Variants in VSTM4 observed in about 807,000 individuals in gnomAD.
The protein encoded by VSTM4 is V-set and transmembrane domain containing 4.
Under a neutral mutation model 36.4 loss-of-function variants are expected in VSTM4, and 20 were observed. That is an observed-to-expected ratio of 0.55 (90% CI 0.39 to 0.80). VSTM4 has a LOEUF of 0.80. Ranked by LOEUF, VSTM4 falls within the 30% of genes least tolerant of loss-of-function variation. VSTM4 has a pLI of 0.00. For missense variants in VSTM4, 392 were observed against 404.5 expected (o/e 0.97, Z 0.26); for synonymous variants, 182 against 173.9 (o/e 1.05, Z -0.37).
In VSTM4 at chr10:49,019,702, G is replaced by T. The variant is rs747123558; in HGVS notation, c.911C>A (p.Ala304Asp). The T allele has an allele frequency of 5.0e-6, 8 of 1,613,912 alleles. No homozygotes were observed. The highest frequency in any genetic ancestry group is 6.8e-6 in the Non-Finnish European group (8 of 1,179,990). The change falls in exon 8 of 8, where the codon GCC becomes GAC. Residue 304 changes from alanine to aspartate, a missense_variant. By Grantham distance (126) the Ala-to-Asp change is moderately radical. Coordinates refer to ENST00000332853, the MANE Select transcript of VSTM4 (RefSeq NM_001031746.5). Reference protein sequence around the residue: ...LIKPHRAAKGAPTSTVYAQIL... With the variant: ...LIKPHRAAKGDPTSTVYAQIL... ...CTGGGCGTAGACAGTGCTGGTGGGGGCGCCTTTGGCAGCCCGGTGGGGTTT... is the reference window on the plus strand; with the variant it reads ...CTGGGCGTAGACAGTGCTGGTGGGGTCGCCTTTGGCAGCCCGGTGGGGTTT...
intron 2 of VSTM4, among the ~76,000 whole-genome samples, chr10:49,106,324 G>A (rs543333625): frequency 6.6e-6 from 1 of 152,274 alleles, no homozygotes; most frequent in South Asian, 2.1e-4. Flanking sequence ...TGTACTTTGT[G>A]ATCCTCTTGA....
Position 49,019,480 on chromosome 10 carries a change from G to T in VSTM4, c.*170C>A. On this transcript the variant is annotated 3_prime_UTR_variant, in exon 8 of 8. Transcript: ENST00000332853. ...CAAGAGCTGTGGCCCCGATTCTTTT[G>T]GGGAGAGCAGGCTTGTACCTCTTCA... The T allele has an allele frequency of 1.2e-6, 1 of 844,586 alleles. No individual in the cohort carries two copies. Among genetic ancestry groups the T allele is most frequent in the Non-Finnish European group, 1.6e-6 (1 of 613,506 alleles). The allele number at this position is 844,586 out of a possible 1,614,324, so 52.3% of individuals were successfully genotyped here.
At chr10:49,093,181 G>C (rs185040320) in intron 2 of VSTM4, among the ~76,000 whole-genome samples, 1 of 152,212 alleles carries the variant, frequency 6.6e-6, no homozygotes, top group Admixed American at 6.5e-5. Flanking sequence ...GCCTATAGTC[G>C]GCAAAATAAG....
At chr10:49,110,410 C>G (rs1358684466) in intron 1 of VSTM4, among the ~76,000 whole-genome samples, 2 of 152,134 alleles carry the variant, frequency 1.3e-5, no homozygotes, top group African/African-American at 4.8e-5. Context: ...ATTCTCTAGC[C>G]TTCCAGGATG....
At chr10:49,062,587 G>C (rs930138542) in intron 5 of VSTM4, among the ~76,000 whole-genome samples, 2 of 152,136 alleles carry the variant, frequency 1.3e-5, no homozygotes, top group African/African-American at 4.8e-5. Flanking sequence ...GGATTTTATT[G>C]AGATTATTAT....
chr10:49,036,391 G>C (rs916318228), intron 7 of VSTM4, among the ~76,000 whole-genome samples: 3 of 152,112 alleles, frequency 2.0e-5, no homozygotes, highest in African/African-American at 7.2e-5. Flanking sequence ...GCAATATATT[G>C]TACATGTGGT....
At chr10:49,094,597 G>A (rs1288407130) in intron 2 of VSTM4, among the ~76,000 whole-genome samples, 1 of 152,196 alleles carries the variant, frequency 6.6e-6, no homozygotes, top group Non-Finnish European at 1.5e-5. Context: ...TGTGAAGTAT[G>A]CAGAAGAAAA....
At chr10:49,065,121 A>G (rs1350921919) in intron 4 of VSTM4, among the ~76,000 whole-genome samples, 1 of 152,204 alleles carries the variant, frequency 6.6e-6, no homozygotes, top group African/African-American at 2.4e-5. Flanking sequence ...GAAGCTCCTC[A>G]TTGAAAAATG....
chr10:49,026,998 C>T (rs1843272295), intron 7 of VSTM4, among the ~76,000 whole-genome samples: 2 of 152,134 alleles, frequency 1.3e-5, no homozygotes, highest in South Asian at 2.1e-4. Context: ...TGATCCCCTC[C>T]GCATGAAACT....
At chr10:49,044,520 AAG>A (rs561112104) in intron 7 of VSTM4, among the ~76,000 whole-genome samples, 85 of 143,896 alleles carry the variant, frequency 5.9e-4, no homozygotes, top group African/African-American at 2.1e-3. Context: ...GAGAAAAAGA[AAG>A]AAAGAAAAAG....
chr10:49,022,499 G>T, intron 7 of VSTM4, among the ~76,000 whole-genome samples: 1 of 152,136 alleles, frequency 6.6e-6, no homozygotes, highest in East Asian at 1.9e-4. Context: ...CAGCACCTCT[G>T]CTGGGGGTGA....
rs748673561 is a variant in VSTM4, at chr10:49,018,123, T to C, written c.*1527A>G. On this transcript the variant is annotated 3_prime_UTR_variant, in exon 8 of 8. Coordinates refer to ENST00000332853, the MANE Select transcript of VSTM4 (RefSeq NM_001031746.5). ...CTTTCCAATAAACCATAAACTCTCA[T>C]GAGTCTTTGGGAACATTACTGTAGG... The C allele has an allele frequency of 6.6e-6, 1 of 152,236 alleles. No individual in the cohort carries two copies. The highest frequency in any genetic ancestry group is 1.5e-5 in the Non-Finnish European group (1 of 68,042). 9.4% of individuals were successfully genotyped at this position (152,236 alleles called of 1,614,324 possible).
intron 5 of VSTM4, among the ~76,000 whole-genome samples, chr10:49,055,440 C>T (rs968423925): frequency 6.6e-6 from 1 of 152,208 alleles, no homozygotes; most frequent in Non-Finnish European, 1.5e-5. Flanking sequence ...ATGCCCAGAA[C>T]ATTATGTGCA....
At chr10:49,063,189 A>G (rs1843912568) in intron 5 of VSTM4, among the ~76,000 whole-genome samples, 1 of 152,086 alleles carries the variant, frequency 6.6e-6, no homozygotes, top group Non-Finnish European at 1.5e-5. Context: ...ACATGCAAAA[A>G]TATAGCTGGG....
rs930040137 is a variant in VSTM4, at chr10:49,015,843, T to A, written c.*3807A>T. The A allele has an allele frequency of 1.3e-5, 2 of 152,278 alleles. No homozygotes were observed. The highest frequency in any genetic ancestry group is 4.8e-5 in the African/African-American group (2 of 41,460). 9.4% of individuals were successfully genotyped at this position (152,278 alleles called of 1,614,324 possible). On this transcript the variant is annotated 3_prime_UTR_variant, in exon 8 of 8. Transcript: ENST00000332853. ...ATGCAAGTGGCATGGCTCTTTTTTG[T>A]TACCACGCTGTTCCCTTCCACTTAT...
intron 7 of VSTM4, among the ~76,000 whole-genome samples, chr10:49,043,805 A>G (rs986902568): frequency 3.3e-5 from 5 of 152,218 alleles, no homozygotes; most frequent in Non-Finnish European, 7.3e-5. Context: ...CAAAAAAGAA[A>G]CTGCACAAGT....
At chr10:49,057,583 C>T (rs1002341624) in intron 5 of VSTM4, among the ~76,000 whole-genome samples, 8 of 152,204 alleles carry the variant, frequency 5.3e-5, no homozygotes, top group African/African-American at 1.9e-4. Flanking sequence ...CCAGGAACCA[C>T]CCCCATCTCA....
rs532073099 is a variant in VSTM4 at position 49,028,742 on chromosome 10, C to T, written c.838-8967G>A. On this transcript the variant is annotated intron_variant, in intron 7 of 7. Transcript: ENST00000332853. ...TGGATGTGTAACTTGAATTAAGTCACGGTAATAAAAGAAAAATGCAATTGC... is the reference window on the plus strand; with the variant it reads ...TGGATGTGTAACTTGAATTAAGTCATGGTAATAAAAGAAAAATGCAATTGC... Among the ~76,000 whole-genome samples, 56 of 152,144 alleles carry T rather than the reference C, an allele frequency of 3.7e-4. 1 individual carries two copies. The highest frequency in any genetic ancestry group is 5.7e-4 in the Non-Finnish European group (39 of 68,026).
intron 2 of VSTM4, chr10:49,103,845 G>T (rs766848321): frequency 6.2e-7 from 1 of 1,613,994 alleles, no homozygotes; most frequent in Non-Finnish European, 8.5e-7. Flanking sequence ...CCTCTCCACT[G>T]GATGGCTGGA....
Sources: gnomAD v4.1 joint callset for allele counts (sites outside exome capture counted in the v4.1 genomes callset) on GRCh38, gnomAD v4.1.1 for gene constraint, MANE v1.5 for transcripts, NCBI Gene and HGNC (gene_info 2026-07-23, HGNC 2026-07-21) for gene names.